SEMA6D: variants seen among roughly 807,000 people sequenced by gnomAD.
SEMA6D encodes semaphorin-6D.
A neutral mutation model predicts 106.6 loss-of-function variants in SEMA6D; 35 were observed. The observed-to-expected ratio is 0.33, with a 90% CI of 0.25 to 0.44. SEMA6D has a LOEUF of 0.44. SEMA6D is among the 20% of genes least tolerant of loss of function. SEMA6D has a pLI of 1.00. For missense variants in SEMA6D, 1,185 were observed against 1,345.9 expected, an observed-to-expected ratio of 0.88 and a Z score of 1.87; for synonymous variants, 499 against 487.7, an observed-to-expected ratio of 1.02 and a Z score of -0.31.
intron 1 of SEMA6D, among the ~76,000 whole-genome samples, chr15:47,193,846 T>C (rs898915670): frequency 1.3e-5 from 2 of 152,124 alleles, no homozygotes; most frequent in Non-Finnish European, 2.9e-5. Flanking sequence ...TTACTCTTTT[T>C]ATTCACTCTT....
intron 1 of SEMA6D, among the ~76,000 whole-genome samples, chr15:47,750,017 G>T (rs1839130778): frequency 2.0e-5 from 3 of 152,110 alleles, no homozygotes; most frequent in Non-Finnish European, 4.4e-5. Flanking sequence ...CTTGGATTTG[G>T]CAATTAGGTG....
chr15:47,328,218 T>C (rs1196497810), intron 1 of SEMA6D, among the ~76,000 whole-genome samples: 1 of 152,168 alleles, frequency 6.6e-6, no homozygotes, highest in African/African-American at 2.4e-5. Context: ...GCAGGAAACA[T>C]AATATTTCTT....
intron 1 of SEMA6D, among the ~76,000 whole-genome samples, chr15:47,723,849 A>C (rs747265358): frequency 6.6e-6 from 1 of 152,240 alleles, no homozygotes; most frequent in Non-Finnish European, 1.5e-5. Flanking sequence ...ATGTTGGTAC[A>C]TATATAATAA....
chr15:47,748,020 G>A (rs1311211083), intron 1 of SEMA6D, among the ~76,000 whole-genome samples: 1 of 152,196 alleles, frequency 6.6e-6, no homozygotes, highest in Non-Finnish European at 1.5e-5. Flanking sequence ...AAAGTGAGCA[G>A]AAATTTCAGT....
intron 1 of SEMA6D, among the ~76,000 whole-genome samples, chr15:47,751,027 A>C (rs910168623): frequency 2.0e-5 from 3 of 152,166 alleles, no homozygotes; most frequent in Non-Finnish European, 4.4e-5. Context: ...CCCCAGCTCT[A>C]CTTCGGGGTC....
At chr15:47,291,961 T>C (rs758789009) in intron 1 of SEMA6D, among the ~76,000 whole-genome samples, 4 of 152,234 alleles carry the variant, frequency 2.6e-5, no homozygotes, top group Non-Finnish European at 4.4e-5. Flanking sequence ...CACCTGTTGA[T>C]ATGTTTGTAA....
At chr15:47,751,615 G>T (rs2081441239) in intron 1 of SEMA6D, among the ~76,000 whole-genome samples, 1 of 152,104 alleles carries the variant, frequency 6.6e-6, no homozygotes, top group African/African-American at 2.4e-5. Context: ...CTTGGGAAGT[G>T]GAAGCCCCAG....
chr15:47,240,347 C>T (rs2032826339), intron 1 of SEMA6D, among the ~76,000 whole-genome samples: 1 of 152,032 alleles, frequency 6.6e-6, no homozygotes, highest in Non-Finnish European at 1.5e-5. Context: ...ATTTTACTTC[C>T]CTGGCTTTCA....
chr15:47,431,911 G>GTA (rs559472046), intron 2 of SEMA6D, among the ~76,000 whole-genome samples: 82 of 152,122 alleles, frequency 5.4e-4, no homozygotes, highest in African/African-American at 1.5e-3. Context: ...TGTCTTCTGT[G>GTA]TATGCACAAG....
At chr15:47,590,427 G>A (rs547735221) in intron 3 of SEMA6D, among the ~76,000 whole-genome samples, 8 of 152,168 alleles carry the variant, frequency 5.3e-5, no homozygotes, top group Admixed American at 3.3e-4. Flanking sequence ...AATATCTAAC[G>A]TAAATGATGA....
chr15:47,334,878 G>T (rs190602970), intron 1 of SEMA6D, among the ~76,000 whole-genome samples: 1 of 152,158 alleles, frequency 6.6e-6, no homozygotes, highest in Non-Finnish European at 1.5e-5. Context: ...ATATGCAAGA[G>T]AATTCAAAAT....
chr15:47,594,553 A>G (rs937632006), intron 3 of SEMA6D, among the ~76,000 whole-genome samples: 4 of 152,170 alleles, frequency 2.6e-5, no homozygotes, highest in Non-Finnish European at 4.4e-5. Flanking sequence ...TACCCATCAC[A>G]TACTGACACT....
At chr15:47,361,836 G>T (rs2038821616) in intron 1 of SEMA6D, among the ~76,000 whole-genome samples, 1 of 151,768 alleles carries the variant, frequency 6.6e-6, no homozygotes, top group Non-Finnish European at 1.5e-5. Context: ...GTAAAAAGTT[G>T]CAGCAGCTCC....
intron 1 of SEMA6D, among the ~76,000 whole-genome samples, chr15:47,217,874 T>TACAAACACAC (rs2030809063): frequency 7.0e-6 from 1 of 143,034 alleles, no homozygotes; most frequent in Non-Finnish European, 1.5e-5. Context: ...TGTACACACA[T>TACAAACACAC]ACACACACAC....
chr15:47,487,419 C>T (rs2043329184), intron 3 of SEMA6D, among the ~76,000 whole-genome samples: 1 of 152,140 alleles, frequency 6.6e-6, no homozygotes, highest in Non-Finnish European at 1.5e-5. Flanking sequence ...AATACATGTA[C>T]ATGTATACAT....
chr15:47,375,329 A>G (rs989709053), intron 1 of SEMA6D, among the ~76,000 whole-genome samples: 36 of 152,244 alleles, frequency 2.4e-4, no homozygotes, highest in African/African-American at 7.9e-4. Flanking sequence ...TTTGTCAACT[A>G]TGGAGCCTCA....
At chr15:47,583,688 C>G (rs549137594) in intron 3 of SEMA6D, among the ~76,000 whole-genome samples, 1 of 152,078 alleles carries the variant, frequency 6.6e-6, no homozygotes, top group Non-Finnish European at 1.5e-5. Flanking sequence ...AGTGATGGCC[C>G]GCAGAGAGCA....
At chr15:47,231,498 A>G (rs988537827) in intron 1 of SEMA6D, among the ~76,000 whole-genome samples, 7 of 151,998 alleles carry the variant, frequency 4.6e-5, no homozygotes, top group Non-Finnish European at 8.8e-5. Flanking sequence ...TCCACTTTTC[A>G]TCGCCATTAC....
intron 1 of SEMA6D, among the ~76,000 whole-genome samples, chr15:47,361,284 C>G (rs1346893943): frequency 2.0e-5 from 3 of 152,166 alleles, no homozygotes; most frequent in Non-Finnish European, 4.4e-5. Context: ...TTCATTCAGT[C>G]AAAATGGACA....
Sources: gnomAD v4.1 joint callset for allele counts (sites outside exome capture counted in the v4.1 genomes callset) on GRCh38, gnomAD v4.1.1 for gene constraint, MANE v1.5 for transcripts, NCBI Gene and HGNC (gene_info 2026-07-23, HGNC 2026-07-21) for gene names.